The following LSAMP variants were observed in gnomAD, a reference collection of about 807,000 sequenced individuals.
LSAMP encodes limbic system-associated membrane protein.
Under a neutral mutation model 38.6 loss-of-function variants are expected in LSAMP, and 7 were observed. That is an observed-to-expected ratio of 0.18 (90% CI 0.10 to 0.34). The LOEUF is 0.34. Among genes scored for constraint, LSAMP ranks in the 10% least tolerant of loss-of-function variants. The pLI, the probability that LSAMP is intolerant of heterozygous loss-of-function variation, is 1.00. For synonymous variants in LSAMP, 154 were observed against 166.8 expected, an observed-to-expected ratio of 0.92 and a Z score of 0.59; for missense variants, 313 against 420.0, an observed-to-expected ratio of 0.75 and a Z score of 2.23.
intron 1 of LSAMP, among the ~76,000 whole-genome samples, chr3:116,421,560 A>G (rs954331144): frequency 5.0e-5 from 7 of 139,144 alleles, no homozygotes; most frequent in Non-Finnish European, 1.2e-4. Context: ...AAAAAAGAAG[A>G]AGAAGAAGAG....
At chr3:116,105,437 T>G (rs868337396) in intron 1 of LSAMP, among the ~76,000 whole-genome samples, 1 of 151,930 alleles carries the variant, frequency 6.6e-6, no homozygotes, top group Non-Finnish European at 1.5e-5. Flanking sequence ...TGGGTGCAGG[T>G]GGGCTGAGTC....
intron 1 of LSAMP, among the ~76,000 whole-genome samples, chr3:116,270,493 T>C (rs1576472397): frequency 6.6e-6 from 1 of 152,130 alleles, no homozygotes. Flanking sequence ...ATACCAAAGA[T>C]GGGTCTGAGG....
At chr3:116,007,428 C>A (rs1351646546) in intron 3 of LSAMP, among the ~76,000 whole-genome samples, 1 of 152,096 alleles carries the variant, frequency 6.6e-6, no homozygotes, top group African/African-American at 2.4e-5. Context: ...GAATGAATTG[C>A]AGCCTCAGTG....
intron 1 of LSAMP, among the ~76,000 whole-genome samples, chr3:116,418,716 C>T (rs1297413330): frequency 6.6e-6 from 1 of 152,102 alleles, no homozygotes; most frequent in Non-Finnish European, 1.5e-5. Flanking sequence ...CTTGGTATTC[C>T]AGGTGGCTGA....
intron 1 of LSAMP, among the ~76,000 whole-genome samples, chr3:116,411,431 G>A (rs1442445740): frequency 6.6e-6 from 1 of 151,848 alleles, no homozygotes; most frequent in Admixed American, 6.6e-5. Flanking sequence ...AGACACCATG[G>A]AATACTATGC....
intron 2 of LSAMP, among the ~76,000 whole-genome samples, chr3:116,036,579 T>G (rs1009880847): frequency 6.6e-6 from 1 of 152,212 alleles, no homozygotes; most frequent in Admixed American, 6.5e-5. Flanking sequence ...GCTAAAAACC[T>G]GTAAGTGGCT....
intron 1 of LSAMP, among the ~76,000 whole-genome samples, chr3:116,249,430 G>T (rs1231374975): frequency 1.3e-5 from 2 of 151,262 alleles, no homozygotes; most frequent in Non-Finnish European, 2.9e-5. Flanking sequence ...CTGTCATCCA[G>T]ACTGGAGTGC....
chr3:115,986,383 T>C (rs1453855884), intron 3 of LSAMP, among the ~76,000 whole-genome samples: 1 of 152,140 alleles, frequency 6.6e-6, no homozygotes, highest in Non-Finnish European at 1.5e-5. Context: ...ATTAGAAGCC[T>C]ACTAAAACAC....
At chr3:115,962,334 T>C (rs551758365) in intron 3 of LSAMP, among the ~76,000 whole-genome samples, 215 of 152,316 alleles carry the variant, frequency 1.4e-3, no homozygotes, top group Non-Finnish European at 2.6e-3. Flanking sequence ...ATGAGTATGA[T>C]AGTACTTTAT....
chr3:115,911,554 G>A (rs1937136277), intron 3 of LSAMP, among the ~76,000 whole-genome samples: 1 of 152,046 alleles, frequency 6.6e-6, no homozygotes. Context: ...ATGTTGCCCA[G>A]GCTGGTCTCA....
intron 1 of LSAMP, among the ~76,000 whole-genome samples, chr3:116,153,879 T>G (rs1300950138): frequency 6.6e-6 from 1 of 152,032 alleles, no homozygotes; most frequent in African/African-American, 2.4e-5. Flanking sequence ...TTATATAAAA[T>G]TATTGTAAAA....
At chr3:116,049,961 T>A (rs1941362517) in intron 2 of LSAMP, among the ~76,000 whole-genome samples, 1 of 152,206 alleles carries the variant, frequency 6.6e-6, no homozygotes, top group Non-Finnish European at 1.5e-5. Flanking sequence ...GGAATTATTC[T>A]TTTGCTGGAT....
At chr3:116,173,463 G>C (rs111376643) in intron 1 of LSAMP, among the ~76,000 whole-genome samples, 2,050 of 152,000 alleles carry the variant, frequency 0.013, 36 homozygotes, top group African/African-American at 0.04. Flanking sequence ...TTATAATCCA[G>C]TGGCAAATGC....
At chr3:116,148,136 T>C (rs1214541324) in intron 1 of LSAMP, among the ~76,000 whole-genome samples, 2 of 149,048 alleles carry the variant, frequency 1.3e-5, no homozygotes, top group African/African-American at 5.2e-5. Context: ...TTTTAATTCA[T>C]GAGGAATGTT....
intron 3 of LSAMP, among the ~76,000 whole-genome samples, chr3:115,920,441 G>A (rs1937356088): frequency 6.6e-6 from 1 of 151,822 alleles, no homozygotes; most frequent in Admixed American, 6.6e-5. Context: ...GTTTTGATTT[G>A]CATTTTCCTA....
chr3:115,847,746 A>G (rs144141950), intron 4 of LSAMP, among the ~76,000 whole-genome samples: 29 of 152,254 alleles, frequency 1.9e-4, no homozygotes, highest in African/African-American at 6.5e-4. Context: ...GCTTTCTACC[A>G]TGATTGTAAG....
At chr3:116,251,085 A>G (rs1164979187) in intron 1 of LSAMP, among the ~76,000 whole-genome samples, 2 of 152,198 alleles carry the variant, frequency 1.3e-5, no homozygotes, top group African/African-American at 4.8e-5. Flanking sequence ...CTTTGCTAAG[A>G]TATGCTGCCT....
At chr3:116,268,225 G>T (rs764190454) in intron 1 of LSAMP, among the ~76,000 whole-genome samples, 6 of 151,610 alleles carry the variant, frequency 4.0e-5, no homozygotes, top group Non-Finnish European at 7.4e-5. Context: ...ATGTGTGTGT[G>T]TAGTAGGCAA....
At chr3:116,196,941 A>G (rs138582931) in intron 1 of LSAMP, among the ~76,000 whole-genome samples, 1 of 152,174 alleles carries the variant, frequency 6.6e-6, no homozygotes, top group African/African-American at 2.4e-5. Flanking sequence ...TTTCATTGCT[A>G]TGTCTCTCAT....
Sources: gnomAD v4.1 joint callset for allele counts (sites outside exome capture counted in the v4.1 genomes callset) on GRCh38, gnomAD v4.1.1 for gene constraint, MANE v1.5 for transcripts, NCBI Gene and HGNC (gene_info 2026-07-23, HGNC 2026-07-21) for gene names.